The following NKAIN2 variants were observed in gnomAD, a reference collection of about 807,000 sequenced individuals.
NKAIN2 encodes the protein sodium/potassium transporting ATPase interacting 2, also known as sodium/potassium-transporting ATPase subunit beta-1-interacting protein 2.
In NKAIN2, 14 loss-of-function variants were observed where a neutral mutation model predicts 32.6. The observed-to-expected ratio is 0.43, with a 90% CI of 0.28 to 0.67. The LOEUF is 0.67. NKAIN2 is among the 30% of genes least tolerant of loss of function. The pLI is 0.17. For synonymous variants in NKAIN2, 80 were observed against 87.2 expected, an observed-to-expected ratio of 0.92 and a Z score of 0.46; for missense variants, 198 against 258.3, an observed-to-expected ratio of 0.77 and a Z score of 1.60.
chr6:124,187,349 C>G (rs1388390774), intron 1 of NKAIN2, among the ~76,000 whole-genome samples: 1 of 152,110 alleles, frequency 6.6e-6, no homozygotes, highest in Admixed American at 6.6e-5. Flanking sequence ...TTCTGACTCT[C>G]AAATGTCATG....
intron 4 of NKAIN2, among the ~76,000 whole-genome samples, chr6:124,780,799 A>T (rs1779228488): frequency 6.6e-6 from 1 of 152,254 alleles, no homozygotes; most frequent in South Asian, 2.1e-4. Context: ...TATGTCTAAC[A>T]TAAGAAGCCC....
chr6:124,210,506 A>G (rs1453842433), intron 1 of NKAIN2, among the ~76,000 whole-genome samples: 1 of 151,702 alleles, frequency 6.6e-6, no homozygotes, highest in African/African-American at 2.4e-5. Context: ...TGAATTGTAG[A>G]TTGCTTTGGG....
intron 4 of NKAIN2, among the ~76,000 whole-genome samples, chr6:124,745,021 T>C (rs1777385794): frequency 6.6e-6 from 1 of 151,876 alleles, no homozygotes; most frequent in Non-Finnish European, 1.5e-5. Context: ...CACTTTCAAA[T>C]TGCCAGGAGA....
intron 1 of NKAIN2, among the ~76,000 whole-genome samples, chr6:124,091,550 AT>A (rs34006919): frequency 6.6e-6 from 1 of 152,060 alleles, no homozygotes; most frequent in Non-Finnish European, 1.5e-5. Context: ...TAATACATAC[AT>A]TTTTGTACAC....
chr6:124,699,296 A>G (rs1774651408), intron 4 of NKAIN2, among the ~76,000 whole-genome samples: 1 of 152,144 alleles, frequency 6.6e-6, no homozygotes, highest in Non-Finnish European at 1.5e-5. Flanking sequence ...GTGCCTCCTG[A>G]TGGCCCTGCC....
At chr6:124,339,595 T>C (rs907477615) in intron 2 of NKAIN2, among the ~76,000 whole-genome samples, 1 of 152,198 alleles carries the variant, frequency 6.6e-6, no homozygotes, top group African/African-American at 2.4e-5. Flanking sequence ...TTTTTGTGTG[T>C]GAAATAGGCA....
At chr6:124,762,545 G>A (rs888078912) in intron 4 of NKAIN2, among the ~76,000 whole-genome samples, 1 of 152,182 alleles carries the variant, frequency 6.6e-6, no homozygotes, top group African/African-American at 2.4e-5. Context: ...TATGAAAAAT[G>A]TGATAAACTC....
intron 3 of NKAIN2, among the ~76,000 whole-genome samples, chr6:124,405,326 A>C (rs1342942989): frequency 1.3e-5 from 2 of 152,174 alleles, no homozygotes; most frequent in African/African-American, 2.4e-5. Flanking sequence ...TTTGTGGATA[A>C]TTACCATGAG....
rs997618336 is a variant in NKAIN2 at position 124,322,565 on chromosome 6, G to A, written c.193-32702G>A. ...CATCCCTACCATCCTTTAAACTCTA[G>A]CAATCATTAATTTATTCTTCATATC... On this transcript the variant is annotated intron_variant, in intron 2 of 6. Transcript: ENST00000368417. Among the ~76,000 whole-genome samples, 61 of 151,998 alleles carry A rather than the reference G, an allele frequency of 4.0e-4. 1 individual carries two copies. Among genetic ancestry groups the A allele is most frequent in the African/African-American group, 1.4e-3 (59 of 41,372 alleles).
chr6:124,762,035 A>G (rs1246475049), intron 4 of NKAIN2, among the ~76,000 whole-genome samples: 1 of 152,144 alleles, frequency 6.6e-6, no homozygotes, highest in Non-Finnish European at 1.5e-5. Flanking sequence ...TAACTATTAG[A>G]TGTTTGGTGT....
At chr6:123,898,652 C>T (rs1774404140) in intron 1 of NKAIN2, among the ~76,000 whole-genome samples, 5 of 151,776 alleles carry the variant, frequency 3.3e-5, no homozygotes, top group Admixed American at 3.3e-4. Flanking sequence ...GAGTACCAGG[C>T]CTGTATAGTT....
At chr6:124,159,752 C>G (rs1205319333) in intron 1 of NKAIN2, among the ~76,000 whole-genome samples, 1 of 152,100 alleles carries the variant, frequency 6.6e-6, no homozygotes, top group African/African-American at 2.4e-5. Context: ...GCCTCAGAAA[C>G]CCAAGCGCAA....
chr6:124,368,814 T>TA (rs1562134073), intron 3 of NKAIN2, among the ~76,000 whole-genome samples: 1 of 152,166 alleles, frequency 6.6e-6, no homozygotes, highest in Non-Finnish European at 1.5e-5. Flanking sequence ...AATCTGTTAG[T>TA]AAAAAATAAA....
intron 1 of NKAIN2, among the ~76,000 whole-genome samples, chr6:124,094,778 A>T (rs1388462002): frequency 6.6e-6 from 1 of 152,174 alleles, no homozygotes; most frequent in Non-Finnish European, 1.5e-5. Context: ...CCTAGATCAA[A>T]TTCTAATACT....
intron 2 of NKAIN2, among the ~76,000 whole-genome samples, chr6:124,313,839 G>A (rs1796823432): frequency 6.6e-6 from 1 of 152,092 alleles, no homozygotes; most frequent in South Asian, 2.1e-4. Context: ...CCCTAGCTCG[G>A]TGTCTTTTAA....
intron 1 of NKAIN2, among the ~76,000 whole-genome samples, chr6:124,203,198 G>A (rs1286140728): frequency 1.3e-5 from 2 of 151,830 alleles, no homozygotes; most frequent in Admixed American, 6.6e-5. Context: ...TTTGTTGAGG[G>A]GGATCACACA....
At chr6:124,342,216 A>G (rs1301828692) in intron 2 of NKAIN2, among the ~76,000 whole-genome samples, 7 of 151,898 alleles carry the variant, frequency 4.6e-5, no homozygotes, top group Admixed American at 1.3e-4. Context: ...CTTGGCTGAC[A>G]TGGTGAAACC....
At chr6:124,535,142 G>A (rs1389265856) in intron 3 of NKAIN2, among the ~76,000 whole-genome samples, 1 of 152,102 alleles carries the variant, frequency 6.6e-6, no homozygotes, top group Non-Finnish European at 1.5e-5. Flanking sequence ...TCAATCCACA[G>A]TTGATTGCAC....
chr6:124,039,697 C>T (rs1244522950), intron 1 of NKAIN2, among the ~76,000 whole-genome samples: 1 of 151,044 alleles, frequency 6.6e-6, no homozygotes, highest in African/African-American at 2.4e-5. Flanking sequence ...TAAAATTTGC[C>T]CTTTGCTGGT....
Sources: allele counts gnomAD v4.1 joint callset (sites outside exome capture counted in the v4.1 genomes callset), GRCh38; gene constraint gnomAD v4.1.1; transcripts MANE v1.5; gene names NCBI Gene and HGNC (gene_info 2026-07-23, HGNC 2026-07-21).